The following LMNTD1 variants were observed in gnomAD, a reference collection of about 807,000 sequenced individuals.
The protein encoded by LMNTD1 is lamin tail domain containing 1, also known as lamin tail domain-containing protein 1.
In LMNTD1, 35 loss-of-function variants were observed where a neutral mutation model predicts 50.9. The observed-to-expected ratio is 0.69, with a 90% CI of 0.53 to 0.91. The LOEUF (loss-of-function observed/expected upper bound fraction) is 0.91. LMNTD1 is among the 40% of genes least tolerant of loss of function. LMNTD1 has a pLI of 0.00. For missense variants in LMNTD1, 470 were observed against 475.5 expected (o/e 0.99, Z 0.11); for synonymous variants, 153 against 161.9 (o/e 0.94, Z 0.42).
intron 1 of LMNTD1, among the ~76,000 whole-genome samples, chr12:25,619,472 TA>T (rs1164146942): frequency 6.6e-6 from 1 of 152,202 alleles, no homozygotes; most frequent in Admixed American, 6.5e-5. Context: ...CTTCAATTTC[TA>T]AGTTTGCCTT....
chr12:25,546,245 T>C (rs1943419472), intron 4 of LMNTD1, 129 bp downstream of exon 4: 2 of 452,066 alleles, frequency 4.4e-6, no homozygotes, highest in South Asian at 7.1e-5. Flanking sequence ...GAAACAGTTA[T>C]ATTTCAATGA....
upstream of LMNTD1, among the ~76,000 whole-genome samples, chr12:25,555,571 G>T (rs1000733175): frequency 1.1e-4 from 17 of 152,250 alleles, no homozygotes; most frequent in Admixed American, 3.3e-4. Context: ...AATATTTTAG[G>T]TGTGATATGG....
intron 9 of LMNTD1, among the ~76,000 whole-genome samples, chr12:25,492,529 T>C (rs1233759610): frequency 1.3e-5 from 2 of 152,232 alleles, no homozygotes; most frequent in African/African-American, 4.8e-5. Flanking sequence ...AAGAAGTCTA[T>C]GCTGATAACA....
intron 8 of LMNTD1, among the ~76,000 whole-genome samples, chr12:25,512,402 C>T (rs1340605928): frequency 6.6e-6 from 1 of 151,986 alleles, no homozygotes; most frequent in African/African-American, 2.4e-5. Context: ...ATCTAGGAGA[C>T]GTTTGACATG....
intron 1 of LMNTD1, among the ~76,000 whole-genome samples, chr12:25,622,817 G>C (rs73078391): frequency 0.081 from 12,194 of 151,374 alleles, 527 homozygotes; most frequent in Middle Eastern, 0.18. Context: ...GTCCTGAGTA[G>C]GTAAAATAGA....
intron 1 of LMNTD1, among the ~76,000 whole-genome samples, chr12:25,641,740 ACT>A (rs1946962544): frequency 1.3e-5 from 2 of 151,984 alleles, no homozygotes; most frequent in African/African-American, 2.4e-5. Context: ...ACATTATGAA[ACT>A]CTGCAGTTCC....
chr12:25,518,729 A>G, intron 8 of LMNTD1, 66 bp downstream of exon 8: 2 of 1,401,874 alleles, frequency 1.4e-6, no homozygotes, highest in Non-Finnish European at 2.0e-6. Context: ...CACTTAACCC[A>G]CTAGTTAACA....
At chr12:25,481,566 T>A (rs1035400510) in intron 9 of LMNTD1, among the ~76,000 whole-genome samples, 1 of 151,952 alleles carries the variant, frequency 6.6e-6, no homozygotes, top group African/African-American at 2.4e-5. Flanking sequence ...AGCCTCAACA[T>A]AGACTTTGGG....
chr12:25,610,166 G>A (rs1463949278), intron 1 of LMNTD1, among the ~76,000 whole-genome samples: 1 of 152,174 alleles, frequency 6.6e-6, no homozygotes, highest in African/African-American at 2.4e-5. Context: ...TTAATTTCCT[G>A]GTGTGCCATT....
intron 1 of LMNTD1, among the ~76,000 whole-genome samples, chr12:25,614,038 A>G (rs2136544144): frequency 6.6e-6 from 1 of 152,070 alleles, no homozygotes; most frequent in South Asian, 2.1e-4. Context: ...AAAATGAAGG[A>G]GAATGATTAT....
upstream of LMNTD1, among the ~76,000 whole-genome samples, chr12:25,553,934 AAAC>A (rs145173663): frequency 0.032 from 4,882 of 152,300 alleles, 290 homozygotes; most frequent in African/African-American, 0.11. Flanking sequence ...TACCATGAAT[AAAC>A]AATACCTGCT....
At chr12:25,562,504 C>G (rs71443983) in intron 1 of LMNTD1, among the ~76,000 whole-genome samples, 2,837 of 152,266 alleles carry the variant, frequency 0.019, 71 homozygotes, top group African/African-American at 0.06. Context: ...CGGGGACATC[C>G]GCTGTTAGTC....
chr12:25,596,539 G>GT (rs1565510481), intron 1 of LMNTD1, among the ~76,000 whole-genome samples: 1 of 151,792 alleles, frequency 6.6e-6, no homozygotes, highest in Non-Finnish European at 1.5e-5. Context: ...TTTATGCCAC[G>GT]TTTACAGTAG....
At chr12:25,596,871 AT>A (rs766882897) in intron 1 of LMNTD1, among the ~76,000 whole-genome samples, 7 of 152,026 alleles carry the variant, frequency 4.6e-5, no homozygotes, top group Non-Finnish European at 1.0e-4. Context: ...ACATAGTACA[AT>A]AAATGTAAAT....
At chr12:25,486,915 T>G (rs1487954913) in intron 9 of LMNTD1, among the ~76,000 whole-genome samples, 1 of 152,142 alleles carries the variant, frequency 6.6e-6, no homozygotes, top group African/African-American at 2.4e-5. Flanking sequence ...GCCAGTATTT[T>G]ATTGAGGATT....
intron 1 of LMNTD1, among the ~76,000 whole-genome samples, chr12:25,628,845 C>G (rs1946652244): frequency 6.6e-6 from 1 of 152,154 alleles, no homozygotes; most frequent in African/African-American, 2.4e-5. Context: ...TTCTGGGCTT[C>G]TGGACTCCAG....
intron 8 of LMNTD1, among the ~76,000 whole-genome samples, chr12:25,510,076 A>G (rs994606848): frequency 2.6e-5 from 4 of 152,222 alleles, no homozygotes; most frequent in Non-Finnish European, 5.9e-5. Context: ...CCTGTAAGAC[A>G]ACATCGGTAT....
At chr12:25,490,927 T>G (rs1027169347) in intron 9 of LMNTD1, among the ~76,000 whole-genome samples, 8 of 152,220 alleles carry the variant, frequency 5.3e-5, no homozygotes, top group Admixed American at 1.3e-4. Flanking sequence ...GGACTAGTCT[T>G]TGACAAACAC....
At chr12:25,527,881 G>T (rs1442864899) in intron 4 of LMNTD1, among the ~76,000 whole-genome samples, 1 of 151,104 alleles carries the variant, frequency 6.6e-6, no homozygotes, top group Admixed American at 6.6e-5. Flanking sequence ...CATATTTGAA[G>T]CAAAGCCTGG....
Sources: allele counts gnomAD v4.1 joint callset (sites outside exome capture counted in the v4.1 genomes callset), GRCh38; gene constraint gnomAD v4.1.1; transcripts MANE v1.5; gene names NCBI Gene and HGNC (gene_info 2026-07-23, HGNC 2026-07-21).